GLDN: variants seen among roughly 807,000 people sequenced by gnomAD.
The protein encoded by GLDN is gliomedin, also known as collomin.
A neutral mutation model predicts 56.5 loss-of-function variants in GLDN; 47 were observed. That is an observed-to-expected ratio of 0.83 (90% CI 0.66 to 1.06). The LOEUF is 1.06. GLDN is among the 50% of genes least tolerant of loss of function. GLDN has a pLI of 0.00. For missense variants in GLDN, 782 were observed against 714.3 expected, an observed-to-expected ratio of 1.09 and a Z score of -1.08; for synonymous variants, 332 against 278.8, an observed-to-expected ratio of 1.19 and a Z score of -1.90.
intron 5 of GLDN, among the ~76,000 whole-genome samples, chr15:51,396,485 C>T (rs936848884): frequency 6.6e-6 from 1 of 152,238 alleles, no homozygotes; most frequent in Non-Finnish European, 1.5e-5. Flanking sequence ...GAGCAGGTGA[C>T]AGCTGACTCT....
chr15:51,370,541 A>C (rs561810486), intron 1 of GLDN, among the ~76,000 whole-genome samples: 1 of 152,314 alleles, frequency 6.6e-6, no homozygotes, highest in African/African-American at 2.4e-5. Context: ...AAGTAATTTC[A>C]AGTGATGGGG....
intron 2 of GLDN, among the ~76,000 whole-genome samples, chr15:51,379,136 C>A (rs2037699268): frequency 6.6e-6 from 1 of 152,204 alleles, no homozygotes; most frequent in South Asian, 2.1e-4. Flanking sequence ...TTCTGTGCAA[C>A]CTTTAACATC....
chr15:51,353,410 A>C (rs1362286341), intron 1 of GLDN, among the ~76,000 whole-genome samples: 1 of 152,184 alleles, frequency 6.6e-6, no homozygotes. Context: ...CACAGCAGGC[A>C]AGATGAACCT....
At chr15:51,342,117 C>T (rs1352475359) in intron 1 of GLDN, 70 bp downstream of exon 1, 21 of 1,561,144 alleles carry the variant, frequency 1.3e-5, no homozygotes, top group Non-Finnish European at 1.6e-5. Flanking sequence ...GCGAGGACGC[C>T]GACGCCCTCT....
intron 5 of GLDN, 69 bp from the exon 6 acceptor site, chr15:51,397,401 T>C: frequency 1.9e-6 from 1 of 524,206 alleles, no homozygotes; most frequent in Non-Finnish European, 2.8e-6. Context: ...TCCCCTTCTC[T>C]GTCCCTCTCT....
downstream of GLDN, among the ~76,000 whole-genome samples, chr15:51,409,060 G>T (rs1050798509): frequency 2.7e-5 from 3 of 111,780 alleles, no homozygotes; most frequent in Admixed American, 2.7e-4. Context: ...AGAACAACAG[G>T]GGCTGCTATA....
rs1335119819 is a variant in GLDN, at chr15:51,400,220, T to C, written c.846T>C (p.Asp282=). 7 of 1,614,184 alleles carry C rather than the reference T, an allele frequency of 4.3e-6. No individual in the cohort carries two copies. Among genetic ancestry groups the C allele is most frequent in the Admixed American group, 1.7e-5 (1 of 60,022 alleles). Residue 282 remains aspartate (D), a synonymous_variant, in exon 7 of 10, where the codon GAT becomes GAC. Coordinates refer to ENST00000335449, the MANE Select transcript of GLDN (RefSeq NM_181789.4). The part of the protein sequence containing the change: ...PGETCAIPND[D]TLVGKADEKA... Reference sequence around the variant, plus strand: ...AGACTTGTGCCATACCAAATGATGATACCTTGGTTGGAAAAGCTGATGAGA... The same window carrying C: ...AGACTTGTGCCATACCAAATGATGACACCTTGGTTGGAAAAGCTGATGAGA...
At chr15:51,409,623 C>T (rs145620114), downstream of GLDN, among the ~76,000 whole-genome samples, 56 of 152,282 alleles carry the variant, frequency 3.7e-4, no homozygotes, top group Non-Finnish European at 5.7e-4. Context: ...TGTCCCAAGC[C>T]GCTTGCCCAG....
At chr15:51,399,458 C>T (rs115760866) in intron 6 of GLDN, among the ~76,000 whole-genome samples, 20 of 152,282 alleles carry the variant, frequency 1.3e-4, no homozygotes, top group African/African-American at 4.6e-4. Context: ...TGCCCTAAGG[C>T]ACCTCTTCAC....
At chr15:51,390,112 C>A (rs2037985604) in intron 4 of GLDN, among the ~76,000 whole-genome samples, 1 of 152,172 alleles carries the variant, frequency 6.6e-6, no homozygotes, top group African/African-American at 2.4e-5. Context: ...TGCCCCTGGG[C>A]AAGTTATCAC....
chr15:51,366,578 C>A (rs1295375368), intron 1 of GLDN, among the ~76,000 whole-genome samples: 1 of 152,230 alleles, frequency 6.6e-6, no homozygotes, highest in East Asian at 1.9e-4. Context: ...AGTTGTCAAA[C>A]TGAGCTGGTG....
chr15:51,398,499 C>T (rs941068247), intron 6 of GLDN, among the ~76,000 whole-genome samples: 1 of 152,232 alleles, frequency 6.6e-6, no homozygotes, highest in Non-Finnish European at 1.5e-5. Context: ...CAATGGCACT[C>T]ATAAGGAGGA....
chr15:51,382,923 C>T (rs2037798814), intron 2 of GLDN, among the ~76,000 whole-genome samples: 1 of 152,068 alleles, frequency 6.6e-6, no homozygotes, highest in Non-Finnish European at 1.5e-5. Context: ...GATCTGGGCT[C>T]TCAATTTTTC....
intron 1 of GLDN, among the ~76,000 whole-genome samples, chr15:51,354,556 C>T (rs1778967296): frequency 6.6e-6 from 1 of 152,108 alleles, no homozygotes; most frequent in Admixed American, 6.6e-5. Flanking sequence ...GAGACTGGGG[C>T]AGGCAAGGAG....
chr15:51,390,935 G>T (rs950698539), intron 4 of GLDN, among the ~76,000 whole-genome samples: 5 of 152,166 alleles, frequency 3.3e-5, no homozygotes, highest in African/African-American at 1.2e-4. Context: ...ACCTTCCCTG[G>T]GACAGGGCAG....
At chr15:51,376,904 TACCTCCTGAAG>T (rs1483295222) in intron 1 of GLDN, among the ~76,000 whole-genome samples, 1 of 152,198 alleles carries the variant, frequency 6.6e-6, no homozygotes, top group African/African-American at 2.4e-5. Context: ...TCCTCTGGAA[TACCTCCTGAAG>T]ACCTGCCTAA....
chr15:51,359,485 G>A (rs999169605), intron 1 of GLDN, among the ~76,000 whole-genome samples: 3 of 152,130 alleles, frequency 2.0e-5, no homozygotes, highest in African/African-American at 4.8e-5. Context: ...GCCAACAGGC[G>A]GTTCCCAGTG....
At chr15:51,359,828 A>T (rs758853348) in intron 1 of GLDN, among the ~76,000 whole-genome samples, 1 of 151,966 alleles carries the variant, frequency 6.6e-6, no homozygotes, top group African/African-American at 2.4e-5. Flanking sequence ...TGCAAAAAAA[A>T]ATTAGCCAGG....
chr15:51,411,137 C>T (rs557458059), downstream of GLDN, among the ~76,000 whole-genome samples: 9 of 152,262 alleles, frequency 5.9e-5, no homozygotes, highest in East Asian at 1.7e-3. Context: ...TTGATTGGCC[C>T]ACTGAAAACA....
Sources: allele counts gnomAD v4.1 joint callset (sites outside exome capture counted in the v4.1 genomes callset), GRCh38; gene constraint gnomAD v4.1.1; transcripts MANE v1.5; gene names NCBI Gene and HGNC (gene_info 2026-07-23, HGNC 2026-07-21).